Variants in FSTL5 observed in about 807,000 individuals in gnomAD.
FSTL5 encodes follistatin like 5.
FSTL5 carries 62 observed loss-of-function variants against 89.1 expected under a neutral mutation model. That is an observed-to-expected ratio of 0.70 (90% CI 0.57 to 0.86). The LOEUF (loss-of-function observed/expected upper bound fraction) is 0.86. FSTL5 is among the 40% of genes least tolerant of loss of function. The pLI is 0.00. For missense variants in FSTL5, 1,057 were observed against 1,001.6 expected, an observed-to-expected ratio of 1.06 and a Z score of -0.75; for synonymous variants, 383 against 346.2, an observed-to-expected ratio of 1.11 and a Z score of -1.18.
intron 3 of FSTL5, among the ~76,000 whole-genome samples, chr4:162,023,504 T>C (rs1024198259): frequency 1.3e-5 from 2 of 152,120 alleles, no homozygotes; most frequent in African/African-American, 4.8e-5. Context: ...ATGAATTTGC[T>C]TCCCAGAATC....
chr4:162,029,747 C>G (rs80181737), intron 3 of FSTL5, among the ~76,000 whole-genome samples: 1,732 of 151,984 alleles, frequency 0.011, 37 homozygotes, highest in African/African-American at 0.04. Flanking sequence ...AGGAAACTAA[C>G]ACATAAATAA....
At position 162,163,627 on chromosome 4, in the gene FSTL5, G is replaced by A. The variant is rs1170552920; in HGVS notation, c.-29C>T. The A allele has an allele frequency of 6.6e-6, 1 of 150,608 alleles. No individual in the cohort carries two copies. The highest frequency in any genetic ancestry group is 1.5e-5 in the Non-Finnish European group (1 of 67,836). 9.3% of individuals were successfully genotyped at this position (150,608 alleles called of 1,614,324 possible). On this transcript the variant is annotated 5_prime_UTR_variant, in exon 1 of 16. Coordinates refer to ENST00000306100, the MANE Select transcript of FSTL5 (RefSeq NM_020116.5). ...TTATTTTTCTTACCTTATTTTAACAGTCACAAAAGTCCCCCAGAAAGATTC... is the reference window on the plus strand; with the variant it reads ...TTATTTTTCTTACCTTATTTTAACAATCACAAAAGTCCCCCAGAAAGATTC...
intron 1 of FSTL5, among the ~76,000 whole-genome samples, chr4:162,121,441 A>AT (rs1459409652): frequency 5.3e-5 from 8 of 152,044 alleles, no homozygotes; most frequent in African/African-American, 1.7e-4. Flanking sequence ...GGTGCATTAC[A>AT]TATTGACTGA....
chr4:161,867,859 T>C (rs1732141039), intron 4 of FSTL5, among the ~76,000 whole-genome samples: 2 of 151,916 alleles, frequency 1.3e-5, no homozygotes, highest in South Asian at 4.2e-4. Flanking sequence ...TCATCTATAA[T>C]AAAAAATTAT....
At chr4:162,056,767 CTT>C (rs1738559580) in intron 2 of FSTL5, among the ~76,000 whole-genome samples, 1 of 152,044 alleles carries the variant, frequency 6.6e-6, no homozygotes, top group African/African-American at 2.4e-5. Context: ...GAGGTAGAGA[CTT>C]AACATTGTCA....
intron 4 of FSTL5, among the ~76,000 whole-genome samples, chr4:161,786,280 C>T (rs1741901109): frequency 6.6e-6 from 1 of 151,926 alleles, no homozygotes; most frequent in Admixed American, 6.6e-5. Flanking sequence ...ATATATAAAA[C>T]AATTCATAGC....
At chr4:161,692,517 A>G (rs1288290919) in intron 6 of FSTL5, among the ~76,000 whole-genome samples, 1 of 152,114 alleles carries the variant, frequency 6.6e-6, no homozygotes, top group African/African-American at 2.4e-5. Context: ...TTACAAAAGT[A>G]AGTTAAAATG....
At chr4:161,708,543 T>A (rs1201274803) in intron 6 of FSTL5, among the ~76,000 whole-genome samples, 1 of 152,076 alleles carries the variant, frequency 6.6e-6, no homozygotes, top group Non-Finnish European at 1.5e-5. Flanking sequence ...GCATATTTCA[T>A]GTTATATGCA....
intron 7 of FSTL5, among the ~76,000 whole-genome samples, chr4:161,589,663 A>G (rs1204604970): frequency 2.6e-5 from 4 of 152,052 alleles, no homozygotes; most frequent in Non-Finnish European, 4.4e-5. Context: ...GTTGTTTCGC[A>G]TTACAACTTT....
At chr4:161,405,624 T>A (rs772658386) in intron 15 of FSTL5, among the ~76,000 whole-genome samples, 1 of 152,034 alleles carries the variant, frequency 6.6e-6, no homozygotes, top group African/African-American at 2.4e-5. Flanking sequence ...TCACAGAAAA[T>A]GTATTTGAAG....
intron 4 of FSTL5, among the ~76,000 whole-genome samples, chr4:161,836,400 C>T (rs751586474): frequency 2.7e-5 from 4 of 148,552 alleles, no homozygotes; most frequent in Non-Finnish European, 5.9e-5. Context: ...CACATGTATA[C>T]ATATGTAACT....
At chr4:161,516,175 T>C (rs1730822186) in intron 10 of FSTL5, among the ~76,000 whole-genome samples, 1 of 148,858 alleles carries the variant, frequency 6.7e-6, no homozygotes, top group Admixed American at 6.7e-5. Flanking sequence ...TATTTGGAAA[T>C]ATTTGGAGAA....
At chr4:161,444,558 C>A (rs1342197724) in intron 15 of FSTL5, among the ~76,000 whole-genome samples, 1 of 151,544 alleles carries the variant, frequency 6.6e-6, no homozygotes, top group Non-Finnish European at 1.5e-5. Context: ...GAAATTTCAA[C>A]AAATTTTATG....
chr4:161,891,514 A>G (rs904047709), intron 4 of FSTL5, among the ~76,000 whole-genome samples: 12 of 152,174 alleles, frequency 7.9e-5, no homozygotes, highest in African/African-American at 2.9e-4. Context: ...TATCTAATTT[A>G]AATAAAATCA....
chr4:161,766,917 TA>T (rs1329868110), intron 5 of FSTL5, among the ~76,000 whole-genome samples: 3 of 112,858 alleles, frequency 2.7e-5, no homozygotes, highest in African/African-American at 6.8e-5. Flanking sequence ...GATTGATAGA[TA>T]GATAGATAGA....
chr4:161,804,461 T>C (rs1358427170), intron 4 of FSTL5, among the ~76,000 whole-genome samples: 3 of 152,014 alleles, frequency 2.0e-5, no homozygotes, highest in Non-Finnish European at 4.4e-5. Flanking sequence ...TAAACACTGA[T>C]GTTCCTTGAA....
chr4:161,418,808 C>A (rs974454363), intron 15 of FSTL5, among the ~76,000 whole-genome samples: 1 of 152,136 alleles, frequency 6.6e-6, no homozygotes, highest in African/African-American at 2.4e-5. Context: ...AAAGACAGGA[C>A]AAAACCCATC....
intron 3 of FSTL5, among the ~76,000 whole-genome samples, chr4:161,958,976 C>G (rs1445428118): frequency 6.6e-6 from 1 of 152,028 alleles, no homozygotes; most frequent in Non-Finnish European, 1.5e-5. Context: ...TGTGCTCTTT[C>G]TAGGATTCTT....
At chr4:161,736,002 T>C (rs1337770651) in intron 6 of FSTL5, among the ~76,000 whole-genome samples, 1 of 152,110 alleles carries the variant, frequency 6.6e-6, no homozygotes, top group Non-Finnish European at 1.5e-5. Context: ...ATAAAACTGA[T>C]ATGGGCTGAT....
Sources: gnomAD v4.1 joint callset for allele counts (sites outside exome capture counted in the v4.1 genomes callset) on GRCh38, gnomAD v4.1.1 for gene constraint, MANE v1.5 for transcripts, NCBI Gene and HGNC (gene_info 2026-07-23, HGNC 2026-07-21) for gene names.